TUSC3: variants seen among roughly 807,000 people sequenced by gnomAD.
TUSC3 encodes the protein dolichyl-diphosphooligosaccharide--protein glycosyltransferase subunit TUSC3.
Under a neutral mutation model 44.8 loss-of-function variants are expected in TUSC3, and 45 were observed. That is an observed-to-expected ratio of 1.00 (90% CI 0.79 to 1.29). TUSC3 has a LOEUF of 1.29. Ranked by LOEUF, TUSC3 falls within the 50% of genes most tolerant of loss-of-function variation. TUSC3 has a pLI of 0.00. For synonymous variants in TUSC3, 212 were observed against 152.9 expected, an observed-to-expected ratio of 1.39 and a Z score of -2.85; for missense variants, 519 against 437.9, an observed-to-expected ratio of 1.19 and a Z score of -1.65.
intron 1 of TUSC3, among the ~76,000 whole-genome samples, chr8:15,456,906 T>TA (rs1271535039): frequency 6.6e-6 from 1 of 151,912 alleles, no homozygotes. Context: ...TTGACTTGAA[T>TA]AAAAAAATAT....
At position 15,766,264 on chromosome 8, in the gene TUSC3, G is replaced by A. The variant is rs1051207660; in HGVS notation, c.*2108G>A. The A allele has an allele frequency of 1.3e-5, 2 of 152,002 alleles. No individual in the cohort carries two copies. Among genetic ancestry groups the A allele is most frequent in the Non-Finnish European group, 2.9e-5 (2 of 67,978 alleles). The allele number at this position is 152,002 out of a possible 1,614,324, so 9.4% of individuals were successfully genotyped here. ...AAAATATACTGCCTCAACATAAGTC[G>A]TTACTGACTGGAAAATGCTATAGGC... is the stretch of plus-strand genomic sequence containing the variant. On this transcript the variant is annotated 3_prime_UTR_variant, in exon 11 of 11. Coordinates refer to ENST00000503731, the MANE Select transcript of TUSC3 (RefSeq NM_006765.4).
At chr8:15,729,631 A>G (rs1810635991) in intron 6 of TUSC3, among the ~76,000 whole-genome samples, 2 of 152,180 alleles carry the variant, frequency 1.3e-5, no homozygotes, top group Non-Finnish European at 2.9e-5. Flanking sequence ...CAAGTACCAC[A>G]TCTTAACTTG....
At chr8:15,826,225 G>A in the TUSC3 span, among the ~76,000 whole-genome samples, 1 of 152,170 alleles carries the variant, frequency 6.6e-6, no homozygotes, top group Non-Finnish European at 1.5e-5. Context: ...TTTGGCTGCA[G>A]TGGGAATTTT....
At chr8:15,518,793 C>T (rs539328740) in intron 2 of TUSC3, among the ~76,000 whole-genome samples, 1 of 152,242 alleles carries the variant, frequency 6.6e-6, no homozygotes, top group South Asian at 2.1e-4. Context: ...AATAATCCCT[C>T]TTGTTTTTAT....
intron 1 of TUSC3, chr8:15,561,632 A>T (rs1294236919): frequency 6.5e-6 from 1 of 154,010 alleles, no homozygotes; most frequent in African/African-American, 2.4e-5. Context: ...TTGATCTCAG[A>T]CTGCAGTGCT....
At chr8:15,846,890 A>AAC in the TUSC3 span, among the ~76,000 whole-genome samples, 1 of 143,732 alleles carries the variant, frequency 7.0e-6, no homozygotes, top group Admixed American at 7.1e-5. Flanking sequence ...AAAAAAAAAA[A>AAC]CACACACACA....
intron 1 of TUSC3, among the ~76,000 whole-genome samples, chr8:15,586,991 G>GA (rs752482732): frequency 7.2e-5 from 11 of 152,104 alleles, no homozygotes; most frequent in Non-Finnish European, 1.3e-4. Flanking sequence ...CTGGTTGGGG[G>GA]ATTACACTTT....
intron 2 of TUSC3, among the ~76,000 whole-genome samples, chr8:15,645,166 T>G (rs1806567271): frequency 6.6e-6 from 1 of 152,204 alleles, no homozygotes; most frequent in Non-Finnish European, 1.5e-5. Flanking sequence ...TACAGCATTC[T>G]CAAATAGTAT....
intron 1 of TUSC3, among the ~76,000 whole-genome samples, chr8:15,576,253 C>CT (rs534737121): frequency 0.76 from 89,405 of 118,276 alleles, 31,545 homozygotes; most frequent in Non-Finnish European, 0.77. Context: ...CTTTTTCTTT[C>CT]TTTTTTTTTT....
intron 9 of TUSC3, among the ~76,000 whole-genome samples, chr8:15,756,505 T>A (rs1811934599): frequency 6.6e-6 from 1 of 152,232 alleles, no homozygotes; most frequent in African/African-American, 2.4e-5. Context: ...TCATTAAGTA[T>A]TCATTTACAG....
the TUSC3 span, among the ~76,000 whole-genome samples, chr8:15,795,055 G>C: frequency 6.6e-6 from 1 of 152,054 alleles, no homozygotes; most frequent in African/African-American, 2.4e-5. Context: ...AAAGAGGTTG[G>C]AACACATTCT....
intron 2 of TUSC3, among the ~76,000 whole-genome samples, chr8:15,487,841 T>G: frequency 6.6e-6 from 1 of 152,110 alleles, no homozygotes; most frequent in East Asian, 1.9e-4. Flanking sequence ...GCAAACTATA[T>G]CTAATTTATT....
rs182878954 is a variant in TUSC3 at position 15,534,518 on chromosome 8, C to A, written n.189+51035C>A. Among the ~76,000 whole-genome samples the A allele has an allele frequency of 4.7e-4, 71 of 151,976 alleles. No individual in the cohort carries two copies. The East Asian group carries it at 8.3e-3, about 18-fold the overall frequency. ...ATTAGCCGGGCTTGGTGGTGGGCTCCTGTAGTCCCAGCTACTCGGGAGGCT... is the reference window on the plus strand; with the variant it reads ...ATTAGCCGGGCTTGGTGGTGGGCTCATGTAGTCCCAGCTACTCGGGAGGCT... On this transcript the variant is annotated intron_variant and non_coding_transcript_variant, in intron 2 of 5. Coordinates refer to the TUSC3 transcript ENST00000503191.
In TUSC3 at chr8:15,743,367, G is replaced by A. The variant is rs1387177037; in HGVS notation, c.863-171G>A. 16 of 666,546 alleles carry A rather than the reference G, an allele frequency of 2.4e-5. No individual in the cohort carries two copies. In the East Asian group the frequency reaches 4.3e-4, roughly 18 times the overall value. The allele number at this position is 666,546 out of a possible 1,614,324, so 41.3% of individuals were successfully genotyped here. A position where few individuals can be genotyped will look rare whatever the true frequency, so the allele number is the denominator to read the frequency against. Reference sequence around the variant, plus strand: ...CAGGTTATAAATTTTTAAAGTTAAGGCATATTTGCTCACAAAGAATGGTAA... The same window carrying A: ...CAGGTTATAAATTTTTAAAGTTAAGACATATTTGCTCACAAAGAATGGTAA... On this transcript the variant is annotated intron_variant, in intron 7 of 10. Transcript: ENST00000503731.
At chr8:15,772,906 T>C in the TUSC3 span, among the ~76,000 whole-genome samples, 11 of 144,918 alleles carry the variant, frequency 7.6e-5, no homozygotes, top group African/African-American at 2.3e-4. Flanking sequence ...AAAGCTTACA[T>C]AATGATGTAG....
intron 6 of TUSC3, among the ~76,000 whole-genome samples, chr8:15,728,898 A>C (rs561863271): frequency 1.1e-3 from 161 of 152,230 alleles, no homozygotes; most frequent in African/African-American, 3.7e-3. Flanking sequence ...CCTGGAAGTC[A>C]AGTGAAGAAA....
chr8:15,767,692 T>C (rs1812368154), downstream of TUSC3, among the ~76,000 whole-genome samples: 1 of 152,092 alleles, frequency 6.6e-6, no homozygotes, highest in Non-Finnish European at 1.5e-5. Context: ...TCTTAAGAAA[T>C]GGTGTTTGCT....
intron 1 of TUSC3, among the ~76,000 whole-genome samples, chr8:15,621,312 A>C (rs1372785856): frequency 6.6e-6 from 1 of 151,466 alleles, no homozygotes; most frequent in Non-Finnish European, 1.5e-5. Context: ...GTAAGGCAAA[A>C]ACTATTAAAT....
rs142765958 is a variant in TUSC3, at chr8:15,443,210, G to T, written n.91+25905G>T. ...AGAAGGCATCTCACACTGTCACCCA[G>T]GCTGGAGTGCTGGAGTGCAGTGGTG... On this transcript the variant is annotated intron_variant and non_coding_transcript_variant, in intron 1 of 5. Transcript: ENST00000503191. Among the ~76,000 whole-genome samples the T allele has an allele frequency of 5.4e-3, 817 of 151,874 alleles. 6 individuals are homozygous for T. The highest frequency in any genetic ancestry group is 0.02 in the Middle Eastern group (6 of 294).
Sources: gnomAD v4.1 joint callset for allele counts (sites outside exome capture counted in the v4.1 genomes callset) on GRCh38, gnomAD v4.1.1 for gene constraint, MANE v1.5 for transcripts, NCBI Gene and HGNC (gene_info 2026-07-23, HGNC 2026-07-21) for gene names.